Variants in GAB1 observed in about 807,000 individuals in gnomAD.
GAB1 encodes GRB2-associated-binding protein 1.
Under a neutral mutation model 66.5 loss-of-function variants are expected in GAB1, and 19 were observed. The observed-to-expected ratio is 0.29, with a 90% CI of 0.20 to 0.42. The LOEUF (loss-of-function observed/expected upper bound fraction) is 0.42. Among genes scored for constraint, GAB1 ranks in the 10% least tolerant of loss-of-function variants. The probability of loss-of-function intolerance (pLI) is 1.00; values close to 1 mark genes in which losing one functional copy is unlikely to be tolerated. For missense variants in GAB1, 732 were observed against 858.5 expected, an observed-to-expected ratio of 0.85 and a Z score of 1.84; for synonymous variants, 294 against 301.4, an observed-to-expected ratio of 0.98 and a Z score of 0.25.
intron 2 of GAB1, among the ~76,000 whole-genome samples, chr4:143,422,787 A>G (rs938462050): frequency 6.6e-6 from 1 of 152,236 alleles, no homozygotes; most frequent in Non-Finnish European, 1.5e-5. Context: ...AGTACTTAAT[A>G]GCTTCCTAAG....
chr4:143,373,213 A>G (rs1730220404), intron 1 of GAB1, among the ~76,000 whole-genome samples: 2 of 152,240 alleles, frequency 1.3e-5, no homozygotes, highest in Admixed American at 6.5e-5. Context: ...CTGTCTGTGC[A>G]GTATTCTACA....
intron 1 of GAB1, among the ~76,000 whole-genome samples, chr4:143,359,991 G>A (rs1729600216): frequency 1.3e-5 from 2 of 152,174 alleles, no homozygotes; most frequent in Non-Finnish European, 2.9e-5. Flanking sequence ...TCTCATTTCT[G>A]TAGGTTGGGC....
At chr4:143,397,232 AAAAC>A (rs1270982217) in intron 1 of GAB1, among the ~76,000 whole-genome samples, 1 of 152,242 alleles carries the variant, frequency 6.6e-6, no homozygotes, top group Non-Finnish European at 1.5e-5. Context: ...AAACTAGCAA[AAAAC>A]AAACAAAAAA....
In GAB1 at chr4:143,369,991, G is replaced by A. The variant is rs1288205434; in HGVS notation, c.72+32731G>A. On this transcript the variant is annotated intron_variant, in intron 1 of 9. Transcript: ENST00000262994. The stretch of plus-strand genomic sequence containing the variant: ...AACAATTACAGTTCTCCAAAACCTA[G>A]TGTGCTCCCTCTTTGTCCTTGTAAG... Among the ~76,000 whole-genome samples, 5 of 152,212 alleles carry A rather than the reference G, an allele frequency of 3.3e-5. No individual in the cohort carries two copies. The East Asian group carries it at 9.6e-4, about 29-fold the overall frequency.
intron 1 of GAB1, 46 bp from the exon 2 acceptor site, chr4:143,415,431 A>G (rs1732630174): frequency 7.1e-7 from 1 of 1,415,446 alleles, no homozygotes; most frequent in South Asian, 1.4e-5. Context: ...TCTTGAAAAC[A>G]TTATCTCAAG....
At chr4:143,379,435 G>T (rs1730565398) in intron 1 of GAB1, among the ~76,000 whole-genome samples, 1 of 152,164 alleles carries the variant, frequency 6.6e-6, no homozygotes, top group Non-Finnish European at 1.5e-5. Context: ...GCGATGCTCT[G>T]TTCTCCAGGT....
chr4:143,355,231 T>C (rs1186685931), intron 1 of GAB1, among the ~76,000 whole-genome samples: 2 of 152,184 alleles, frequency 1.3e-5, no homozygotes, highest in Non-Finnish European at 2.9e-5. Flanking sequence ...CATGCAGAGA[T>C]AAGACTAGAA....
chr4:143,350,626 C>T (rs1192420330), intron 1 of GAB1, among the ~76,000 whole-genome samples: 2 of 144,270 alleles, frequency 1.4e-5, no homozygotes, highest in East Asian at 2.0e-4. Flanking sequence ...TGCGGTGAGC[C>T]GAGATCTCGT....
In GAB1 at chr4:143,345,608, T is replaced by C. The variant is rs77473437; in HGVS notation, c.72+8348T>C. ...TTTATACATACTTCTTTAAGAATAC[T>C]GCACGTAGGGGAAAGCATCAAACTT... On this transcript the variant is annotated intron_variant, in intron 1 of 9. Transcript: ENST00000262994. Among the ~76,000 whole-genome samples, 343 of 152,356 alleles carry C rather than the reference T, an allele frequency of 2.3e-3. 3 individuals carry two copies. The highest frequency in any genetic ancestry group is 7.9e-3 in the African/African-American group (327 of 41,588).
At chr4:143,391,819 C>T (rs1404091467) in intron 1 of GAB1, among the ~76,000 whole-genome samples, 1 of 152,060 alleles carries the variant, frequency 6.6e-6, no homozygotes, top group African/African-American at 2.4e-5. Flanking sequence ...TATTAAGCAA[C>T]TTTTCTCAGC....
At chr4:143,360,296 T>G (rs1729611518) in intron 1 of GAB1, among the ~76,000 whole-genome samples, 1 of 152,220 alleles carries the variant, frequency 6.6e-6, no homozygotes, top group Admixed American at 6.5e-5. Context: ...CTCCTGATTC[T>G]GATTTTGTTT....
chr4:143,394,076 A>G (rs1302945259), intron 1 of GAB1, among the ~76,000 whole-genome samples: 1 of 152,164 alleles, frequency 6.6e-6, no homozygotes, highest in East Asian at 1.9e-4. Flanking sequence ...GATCGAGACC[A>G]TCCTGGCTAA....
At chr4:143,449,338 G>A (rs1417104373) in intron 6 of GAB1, among the ~76,000 whole-genome samples, 3 of 150,808 alleles carry the variant, frequency 2.0e-5, no homozygotes, top group Admixed American at 6.6e-5. Flanking sequence ...CAATTCCTGG[G>A]TATCCTTGTT....
At chr4:143,342,861 C>A (rs984682590) in intron 1 of GAB1, among the ~76,000 whole-genome samples, 1 of 151,956 alleles carries the variant, frequency 6.6e-6, no homozygotes, top group Non-Finnish European at 1.5e-5. Context: ...CCGTGCCCAG[C>A]CAGAGGTGAT....
chr4:143,369,727 C>G (rs1730037830), intron 1 of GAB1, among the ~76,000 whole-genome samples: 2 of 152,222 alleles, frequency 1.3e-5, no homozygotes, highest in South Asian at 4.1e-4. Flanking sequence ...AGCCAACATG[C>G]TTGCTAAACC....
intron 2 of GAB1, chr4:143,424,848 G>A (rs1733241124): frequency 5.0e-6 from 2 of 398,124 alleles, no homozygotes; most frequent in Admixed American, 3.8e-5. Flanking sequence ...CCAGCTACTC[G>A]GGAGGCTGAG....
intron 1 of GAB1, among the ~76,000 whole-genome samples, chr4:143,364,868 C>CTTTTTT (rs745401852): frequency 4.6e-5 from 4 of 86,770 alleles, no homozygotes; most frequent in African/African-American, 1.6e-4. Flanking sequence ...CCTGCATCTA[C>CTTTTTT]TTTTTTTTTT....
intron 1 of GAB1, among the ~76,000 whole-genome samples, chr4:143,367,073 T>C (rs978517791): frequency 6.6e-6 from 1 of 152,218 alleles, no homozygotes; most frequent in African/African-American, 2.4e-5. Flanking sequence ...TGTATAATTG[T>C]CTCTCATTTC....
intron 1 of GAB1, among the ~76,000 whole-genome samples, chr4:143,362,110 G>T (rs963160758): frequency 6.6e-6 from 1 of 151,756 alleles, no homozygotes; most frequent in Non-Finnish European, 1.5e-5. Flanking sequence ...AAGTTCAGAT[G>T]CTGGGTAACC....
Sources: gnomAD v4.1 joint callset for allele counts (sites outside exome capture counted in the v4.1 genomes callset) on GRCh38, gnomAD v4.1.1 for gene constraint, MANE v1.5 for transcripts, NCBI Gene and HGNC (gene_info 2026-07-23, HGNC 2026-07-21) for gene names.